Variants in CSMD1 observed in about 807,000 individuals in gnomAD.
The protein encoded by CSMD1 is CUB and sushi domain-containing protein 1.
CSMD1 carries 213 observed loss-of-function variants against 417.5 expected under a neutral mutation model. The observed-to-expected ratio is 0.51, with a 90% confidence interval of 0.46 to 0.57. The LOEUF is 0.57. Among genes scored for constraint, CSMD1 ranks in the 20% least tolerant of loss-of-function variants. CSMD1 has a pLI of 0.00. For synonymous variants in CSMD1, 2,862 were observed against 1,736.8 expected, an observed-to-expected ratio of 1.65 and a Z score of -16.11; for missense variants, 6,923 against 4,529.7, an observed-to-expected ratio of 1.53 and a Z score of -15.17.
At chr8:4,687,492 A>C (rs1806467591) in intron 1 of CSMD1, among the ~76,000 whole-genome samples, 1 of 152,254 alleles carries the variant, frequency 6.6e-6, no homozygotes, top group African/African-American at 2.4e-5. Flanking sequence ...AAATTGTAGA[A>C]GAGATGCCAG....
intron 2 of CSMD1, among the ~76,000 whole-genome samples, chr8:4,616,763 T>C (rs1801496140): frequency 6.6e-6 from 1 of 152,166 alleles, no homozygotes; most frequent in Admixed American, 6.6e-5. Context: ...TTGGCATAAA[T>C]GCATGGCTAC....
chr8:3,917,298 C>T (rs764954073), intron 5 of CSMD1, among the ~76,000 whole-genome samples: 5 of 151,996 alleles, frequency 3.3e-5, no homozygotes, highest in African/African-American at 9.7e-5. Flanking sequence ...TTAGGTGATG[C>T]GTTGGGAGTA....
intron 1 of CSMD1, among the ~76,000 whole-genome samples, chr8:4,835,234 A>T (rs1369136845): frequency 6.6e-6 from 1 of 152,072 alleles, no homozygotes; most frequent in Non-Finnish European, 1.5e-5. Flanking sequence ...TAAATGATTG[A>T]ATTGCAACAG....
At chr8:4,505,894 G>A (rs951165315) in intron 2 of CSMD1, among the ~76,000 whole-genome samples, 4 of 151,910 alleles carry the variant, frequency 2.6e-5, no homozygotes, top group African/African-American at 9.7e-5. Context: ...TGCCTCCTGG[G>A]TTCAAGCAAT....
At chr8:4,340,053 G>A (rs1323616451) in intron 3 of CSMD1, among the ~76,000 whole-genome samples, 1 of 152,026 alleles carries the variant, frequency 6.6e-6, no homozygotes, top group Non-Finnish European at 1.5e-5. Flanking sequence ...CATACCGTAT[G>A]TTTTAGGACT....
chr8:4,926,171 C>A (rs929662264), intron 1 of CSMD1, among the ~76,000 whole-genome samples: 7 of 152,148 alleles, frequency 4.6e-5, no homozygotes, highest in African/African-American at 1.7e-4. Context: ...ACAGCCAAGC[C>A]TATCAAGTCT....
intron 9 of CSMD1, among the ~76,000 whole-genome samples, chr8:3,580,090 G>A (rs1800318394): frequency 1.3e-5 from 2 of 151,724 alleles, no homozygotes; most frequent in Non-Finnish European, 2.9e-5. Flanking sequence ...TGTGACAGAG[G>A]GAGACTCTGT....
chr8:4,675,897 T>C (rs1168437049), intron 1 of CSMD1, among the ~76,000 whole-genome samples: 1 of 152,160 alleles, frequency 6.6e-6, no homozygotes, highest in Non-Finnish European at 1.5e-5. Context: ...TAAACTATCA[T>C]ACTAGTAGAA....
At chr8:4,825,863 A>G (rs529410522) in intron 1 of CSMD1, among the ~76,000 whole-genome samples, 11 of 152,202 alleles carry the variant, frequency 7.2e-5, no homozygotes, top group African/African-American at 1.4e-4. Context: ...AAGAGATACA[A>G]TTGTCCAATA....
At chr8:3,635,812 A>AAAAAAAAAG (rs1554495065) in intron 7 of CSMD1, among the ~76,000 whole-genome samples, 3 of 117,652 alleles carry the variant, frequency 2.5e-5, no homozygotes, top group African/African-American at 6.6e-5. Flanking sequence ...AAAAAAAAAA[A>AAAAAAAAAG]AAAGAAAGAA....
At chr8:4,204,302 C>G (rs1445219532) in intron 3 of CSMD1, among the ~76,000 whole-genome samples, 1 of 150,830 alleles carries the variant, frequency 6.6e-6, no homozygotes, top group Non-Finnish European at 1.5e-5. Flanking sequence ...TTTTGGTTTT[C>G]TTTCTCAGAA....
At chr8:3,509,102 G>A (rs115986776) in intron 10 of CSMD1, among the ~76,000 whole-genome samples, 185 of 152,234 alleles carry the variant, frequency 1.2e-3, no homozygotes, top group African/African-American at 4.3e-3. Flanking sequence ...AAATTAATGC[G>A]TGCTCAGTAG....
intron 17 of CSMD1, among the ~76,000 whole-genome samples, chr8:3,388,574 G>A (rs5026895): frequency 0.57 from 86,663 of 152,090 alleles, 25,086 homozygotes; most frequent in South Asian, 0.67. Flanking sequence ...AGTCTCTAAA[G>A]GTGATCTTCG....
At chr8:4,940,400 G>T (rs922846683) in intron 1 of CSMD1, among the ~76,000 whole-genome samples, 1 of 152,284 alleles carries the variant, frequency 6.6e-6, no homozygotes, top group East Asian at 1.9e-4. Context: ...CATGAGTTAA[G>T]AAATTCCAAT....
chr8:4,733,246 T>C (rs994795644), intron 1 of CSMD1, among the ~76,000 whole-genome samples: 2 of 152,202 alleles, frequency 1.3e-5, no homozygotes, highest in Admixed American at 6.5e-5. Flanking sequence ...TCCTGAACCC[T>C]AGTATTTGAG....
At chr8:4,104,890 C>G (rs1031750872) in intron 3 of CSMD1, among the ~76,000 whole-genome samples, 20 of 152,030 alleles carry the variant, frequency 1.3e-4, no homozygotes, top group Non-Finnish European at 2.8e-4. Flanking sequence ...CTTTTGTATC[C>G]ATTAAGATCA....
At chr8:4,873,057 G>T (rs1041520704) in intron 1 of CSMD1, among the ~76,000 whole-genome samples, 1 of 152,034 alleles carries the variant, frequency 6.6e-6, no homozygotes, top group South Asian at 2.1e-4. Flanking sequence ...TATTTAAGGT[G>T]TACAATATGA....
intron 5 of CSMD1, among the ~76,000 whole-genome samples, chr8:3,939,683 G>A (rs1810746040): frequency 6.6e-6 from 1 of 152,082 alleles, no homozygotes; most frequent in South Asian, 2.1e-4. Context: ...GTAGTAGTCA[G>A]CCACATAAAA....
chr8:3,201,680 A>G lies in CSMD1; in HGVS notation c.5030T>C (p.Leu1677Ser), dbSNP rs774856211. The change falls in exon 32 of 70, where the codon TTG becomes TCG. Residue 1677 changes from leucine (L) to serine (S), a missense_variant. Coordinates refer to ENST00000635120, the MANE Select transcript of CSMD1 (RefSeq NM_033225.6). ...FAYFQTALNDLAELFDGTHAQ... is the reference protein window; with the variant it reads ...FAYFQTALNDSAELFDGTHAQ... ...ATGGGTTCCATCAAATAATTCTGCC[A>G]AATCATTCAGGGCTGTCTGGAAATA... 1 of 1,606,298 alleles carries G rather than the reference A, an allele frequency of 6.2e-7. No homozygotes were observed. The highest frequency in any genetic ancestry group is 8.5e-7 in the Non-Finnish European group (1 of 1,176,246).
Sources: gnomAD v4.1 joint callset for allele counts (sites outside exome capture counted in the v4.1 genomes callset) on GRCh38, gnomAD v4.1.1 for gene constraint, MANE v1.5 for transcripts, NCBI Gene and HGNC (gene_info 2026-07-23, HGNC 2026-07-21) for gene names.